The following GFM2 variants were observed in gnomAD, a reference collection of about 807,000 sequenced individuals.
GFM2 encodes the protein GTP dependent ribosome recycling factor mitochondrial 2.
Under a neutral mutation model 95.4 loss-of-function variants are expected in GFM2, and 72 were observed. That is an observed-to-expected ratio of 0.76 (90% confidence interval 0.62 to 0.92). GFM2 has a LOEUF of 0.92. Among genes scored for constraint, GFM2 ranks in the 40% least tolerant of loss-of-function variants. The pLI, the probability that GFM2 is intolerant of heterozygous loss-of-function variation, is 0.00. For missense variants in GFM2, 825 were observed against 924.1 expected (o/e 0.89, Z 1.39); for synonymous variants, 276 against 317.5 (o/e 0.87, Z 1.39).
chr5:74,761,999 T>A (rs183548924), intron 2 of GFM2, among the ~76,000 whole-genome samples: 1 of 152,322 alleles, frequency 6.6e-6, no homozygotes, highest in African/African-American at 2.4e-5. Flanking sequence ...TAAGACCCAG[T>A]GTCTATCACA....
chr5:74,758,896 G>A lies in GFM2; in HGVS notation c.257C>T (p.Thr86Ile). 6.2e-7 allele frequency: 1 copy of A among 1,610,474 alleles called. No individual in the cohort carries two copies. The highest frequency in any genetic ancestry group is 8.5e-7 in the Non-Finnish European group (1 of 1,176,846). The change falls in exon 5 of 21, where the codon ACC becomes ATC. Residue 86 changes from threonine to isoleucine, a missense_variant. By Grantham distance (89) the Thr-to-Ile change is moderately conservative. Coordinates refer to ENST00000296805, the MANE Select transcript of GFM2 (RefSeq NM_032380.5). ...GGAATAGTACAATATTCTTTCTGTG[G>A]TGGTAGTTTTGCCTGCATCAATATG... Reference protein sequence around the residue: ...MAHIDAGKTTTTERILYYSGY... With the variant: ...MAHIDAGKTTITERILYYSGY...
At chr5:74,725,203 A>C (rs1195341258) in intron 19 of GFM2, 1 of 160,168 alleles carries the variant, frequency 6.2e-6, no homozygotes, top group African/African-American at 2.4e-5. Context: ...TGAAGCAAGC[A>C]CTAAAGCAAT....
chr5:74,722,979 T>C (rs1008863289), intron 19 of GFM2, among the ~76,000 whole-genome samples: 1 of 152,130 alleles, frequency 6.6e-6, no homozygotes, highest in South Asian at 2.1e-4. Context: ...AGAAACATTA[T>C]GTAAAATCTT....
intron 19 of GFM2, among the ~76,000 whole-genome samples, chr5:74,724,688 G>A (rs996979814): frequency 6.6e-6 from 1 of 151,958 alleles, no homozygotes; most frequent in South Asian, 2.1e-4. Flanking sequence ...TTAGGTTAGG[G>A]GTTTGGAATA....
chr5:74,729,293 T>C (rs1750304640), intron 17 of GFM2, among the ~76,000 whole-genome samples: 2 of 152,220 alleles, frequency 1.3e-5, no homozygotes, highest in South Asian at 4.1e-4. Flanking sequence ...CAAGTTTCCT[T>C]GCCCTCTGCT....
chr5:74,756,057 C>A (rs1441704779), intron 5 of GFM2, among the ~76,000 whole-genome samples: 1 of 152,104 alleles, frequency 6.6e-6, no homozygotes, highest in Non-Finnish European at 1.5e-5. Flanking sequence ...AGTTTAACAT[C>A]TGCAAGTCAA....
rs1277759104 is a variant in GFM2 at position 74,747,797 on chromosome 5, G to GA, written c.520-18dup. 7 of 1,439,672 alleles carry GA rather than the reference G, an allele frequency of 4.9e-6. No homozygotes were observed. Among genetic ancestry groups the GA allele is most frequent in the Non-Finnish European group, 5.8e-6 (6 of 1,029,070 alleles). 89.2% of individuals were successfully genotyped at this position (1,439,672 alleles called of 1,614,324 possible). On this transcript the variant is annotated splice_polypyrimidine_tract_variant and intron_variant, in intron 7 of 20. Coordinates refer to ENST00000296805, the MANE Select transcript of GFM2 (RefSeq NM_032380.5). ...AGTCTGGGCCTAAAGCAAAGATGAGGAAAAAAATACATACTGAACAAAAGT... is the reference window on the plus strand; with the variant it reads ...AGTCTGGGCCTAAAGCAAAGATGAGGAAAAAAAATACATACTGAACAAAAGT...
chr5:74,739,557 G>T (rs183016043), intron 12 of GFM2, among the ~76,000 whole-genome samples: 3 of 152,208 alleles, frequency 2.0e-5, no homozygotes, highest in Admixed American at 1.3e-4. Context: ...TGCTTACTCA[G>T]ATTTTAAAGG....
Position 74,721,247 on chromosome 5 carries a change from A to G in GFM2, c.*408T>C, listed in dbSNP as rs917999641. ...TTATTTTGAAATCATGTAAAATAAGATATTAGACTGTTTTTTGAATAAAAT... is the reference window on the plus strand; with the variant it reads ...TTATTTTGAAATCATGTAAAATAAGGTATTAGACTGTTTTTTGAATAAAAT... On this transcript the variant is annotated 3_prime_UTR_variant, in exon 21 of 21. Transcript: ENST00000296805. 2.5e-6 allele frequency: 3 copies of G among 1,185,646 alleles called. No homozygotes were observed. The African/African-American group carries it at 4.6e-5, about 18-fold the overall frequency. 73.4% of individuals were successfully genotyped at this position (1,185,646 alleles called of 1,614,324 possible).
intron 3 of GFM2, among the ~76,000 whole-genome samples, chr5:74,760,172 T>C (rs2112361780): frequency 6.6e-6 from 1 of 152,318 alleles, no homozygotes; most frequent in Middle Eastern, 3.4e-3. Context: ...TATATTATTT[T>C]TGAAACTTCA....
Position 74,727,655 on chromosome 5 carries a change from A to C in GFM2, c.1727-1529T>G, listed in dbSNP as rs149978203. Among the ~76,000 whole-genome samples, 33 of 152,348 alleles carry C rather than the reference A, an allele frequency of 2.2e-4. 1 individual carries two copies. The East Asian group carries it at 6.2e-3, about 28-fold the overall frequency. ...AGATTTGGCCAGCAGAGTCTCTTCA[A>C]GCTGGTTCCTGTGTCCTTATATACC... On this transcript the variant is annotated intron_variant, in intron 17 of 20. Transcript: ENST00000296805.
rs751953652 is a variant in GFM2 at position 74,736,956 on chromosome 5, G to T, written c.1350C>A (p.Ser450=). 13 of 1,613,608 alleles carry T rather than the reference G, an allele frequency of 8.1e-6. No homozygotes were observed. Among genetic ancestry groups the T allele is most frequent in the Non-Finnish European group, 1.1e-5 (13 of 1,179,726 alleles). ...GAGCTGCAGCTAATGCACTGGACTT[G>T]GATGAGACAATGGTGTCTCCAGTGG... ...HTATGDTIVS[S]KSSALAAARR... Residue 450 remains serine, a synonymous_variant, in exon 15 of 21, where the codon TCC becomes TCA. Coordinates refer to ENST00000296805, the MANE Select transcript of GFM2 (RefSeq NM_032380.5).
intron 16 of GFM2, chr5:74,730,683 C>G (rs976259229): frequency 3.1e-5 from 7 of 227,782 alleles, no homozygotes; most frequent in Admixed American, 1.7e-4. Context: ...GATGCCAACA[C>G]TTAGCTAAAT....
At chr5:74,762,198 A>G (rs919299838) in intron 2 of GFM2, among the ~76,000 whole-genome samples, 5 of 152,232 alleles carry the variant, frequency 3.3e-5, no homozygotes, top group Non-Finnish European at 5.9e-5. Flanking sequence ...CAACAACAAA[A>G]AAACTGTAGA....
Position 74,733,479 on chromosome 5 carries a change from A to G in GFM2, c.1511-381T>C, listed in dbSNP as rs565809890. On this transcript the variant is annotated intron_variant, in intron 15 of 20. Transcript: ENST00000296805. ...GATGACTTGAGACAGAAATGAACAA[A>G]CTATAAGCAAAATCCTGAAGAAAAG... 3.9e-5 allele frequency: 6 copies of G among 155,014 alleles called. No individual in the cohort carries two copies. The South Asian group carries it at 9.9e-4, about 26-fold the overall frequency. The allele number at this position is 155,014 out of a possible 1,614,324, so 9.6% of individuals were successfully genotyped here. A position where few individuals can be genotyped will look rare whatever the true frequency, so the allele number is the denominator to read the frequency against.
At chr5:74,729,921 T>G (rs1742471054) in intron 17 of GFM2, among the ~76,000 whole-genome samples, 1 of 152,210 alleles carries the variant, frequency 6.6e-6, no homozygotes, top group Non-Finnish European at 1.5e-5. Context: ...ACTTTTACTT[T>G]ATAGAGTAAA....
chr5:74,760,731 A>G (rs1744238113), intron 3 of GFM2, among the ~76,000 whole-genome samples, 171 bp downstream of exon 3: 3 of 152,132 alleles, frequency 2.0e-5, no homozygotes, highest in African/African-American at 7.2e-5. Flanking sequence ...CTCTACTAGT[A>G]TTTCCTTCTG....
intron 1 of GFM2, among the ~76,000 whole-genome samples, chr5:74,765,890 T>C (rs1744561394): frequency 6.6e-6 from 1 of 152,070 alleles, no homozygotes; most frequent in Non-Finnish European, 1.5e-5. Context: ...TTCCAGCTAC[T>C]TGGGAGGCTG....
chr5:74,722,733 G>A (rs1192578508), intron 19 of GFM2, 172 bp from the exon 20 acceptor site: 3 of 546,028 alleles, frequency 5.5e-6, no homozygotes, highest in South Asian at 5.4e-5. Context: ...CATGATAACA[G>A]AATTTATAGA....
Sources: allele counts gnomAD v4.1 joint callset (sites outside exome capture counted in the v4.1 genomes callset), GRCh38; gene constraint gnomAD v4.1.1; transcripts MANE v1.5; gene names NCBI Gene and HGNC (gene_info 2026-07-23, HGNC 2026-07-21).